Variants in MTHFD2L observed in about 807,000 individuals in gnomAD.
MTHFD2L encodes the protein bifunctional methylenetetrahydrofolate dehydrogenase/cyclohydrolase 2, mitochondrial.
MTHFD2L carries 29 observed loss-of-function variants against 34.9 expected under a neutral mutation model. That is an observed-to-expected ratio of 0.83 (90% confidence interval 0.62 to 1.13). The LOEUF is 1.13. MTHFD2L is among the 50% of genes most tolerant of loss of function. The pLI is 0.00. For missense variants in MTHFD2L, 481 were observed against 446.5 expected (o/e 1.08, Z -0.70); for synonymous variants, 167 against 155.7 (o/e 1.07, Z -0.54).
At chr4:74,179,787 A>G (rs1176984423) in intron 3 of MTHFD2L, among the ~76,000 whole-genome samples, 1 of 152,146 alleles carries the variant, frequency 6.6e-6, no homozygotes, top group Non-Finnish European at 1.5e-5. Flanking sequence ...ATCAATCTTT[A>G]ACATAGATTA....
chr4:74,205,632 A>G (rs1202461151), intron 5 of MTHFD2L, among the ~76,000 whole-genome samples: 1 of 152,162 alleles, frequency 6.6e-6, no homozygotes, highest in Non-Finnish European at 1.5e-5. Context: ...AGGAATGAGA[A>G]TGTGCTAAAA....
upstream of MTHFD2L, among the ~76,000 whole-genome samples, chr4:74,121,965 C>T (rs1377630126): frequency 2.0e-5 from 3 of 151,974 alleles, no homozygotes; most frequent in Admixed American, 6.6e-5. Flanking sequence ...CTGTTGAAAC[C>T]TTGATCTTGG....
chr4:74,249,853 G>C lies in MTHFD2L; in HGVS notation c.805+24459G>C, dbSNP rs1229080818. Among the ~76,000 whole-genome samples, 48 of 152,182 alleles carry C rather than the reference G, an allele frequency of 3.2e-4. 1 individual carries two copies. Among genetic ancestry groups the C allele is most frequent in the Admixed American group, 3.1e-3 (48 of 15,272 alleles). On this transcript the variant is annotated intron_variant, in intron 6 of 7. Transcript: ENST00000325278. ...TAGAGTTTCTGCTGAGAGATCCACTGTTAGTCTGATGGGCTTCCCTTTGTA... is the reference window on the plus strand; with the variant it reads ...TAGAGTTTCTGCTGAGAGATCCACTCTTAGTCTGATGGGCTTCCCTTTGTA...
At chr4:74,226,602 C>G (rs996191979) in intron 6 of MTHFD2L, among the ~76,000 whole-genome samples, 1 of 152,074 alleles carries the variant, frequency 6.6e-6, no homozygotes, top group Non-Finnish European at 1.5e-5. Flanking sequence ...ATGGATAATT[C>G]ACTTACAGAT....
intron 6 of MTHFD2L, among the ~76,000 whole-genome samples, chr4:74,272,119 C>T (rs1040525900): frequency 2.0e-5 from 3 of 152,070 alleles, no homozygotes; most frequent in South Asian, 4.2e-4. Context: ...ACGTCGCTAT[C>T]GAAACTAGCT....
chr4:74,240,144 G>A (rs908966468), intron 6 of MTHFD2L, among the ~76,000 whole-genome samples: 3 of 152,158 alleles, frequency 2.0e-5, no homozygotes, highest in African/African-American at 4.8e-5. Context: ...ATTTTATGAC[G>A]TTATAGTGGA....
chr4:74,123,083 C>A (rs930554684), upstream of MTHFD2L, among the ~76,000 whole-genome samples: 59 of 152,084 alleles, frequency 3.9e-4, no homozygotes, highest in African/African-American at 1.4e-3. Context: ...TATATTAAAT[C>A]AGGTTAAATT....
In MTHFD2L at chr4:74,186,632, A is replaced by G. The variant is rs566988175; in HGVS notation, c.451+11229A>G. ...GGCATAAATTTGACAAAAGATGGGG[A>G]AAACCTATATATATTAAAAACTACA... On this transcript the variant is annotated intron_variant, in intron 3 of 7. Transcript: ENST00000325278. Among the ~76,000 whole-genome samples, 144 of 152,122 alleles carry G rather than the reference A, an allele frequency of 9.5e-4. 1 individual carries two copies. Among genetic ancestry groups the G allele is most frequent in the South Asian group, 2.3e-3 (11 of 4,826 alleles).
At chr4:74,124,271 A>G (rs1318387051), upstream of MTHFD2L, among the ~76,000 whole-genome samples, 4 of 151,682 alleles carry the variant, frequency 2.6e-5, no homozygotes, top group Admixed American at 6.6e-5. Flanking sequence ...ATCAGCATTA[A>G]AAGTTTTTTT....
chr4:74,156,926 C>T (rs546041060), upstream of MTHFD2L: 1 of 151,868 alleles, frequency 6.6e-6, no homozygotes, highest in East Asian at 1.9e-4. Context: ...TGTTGAGTTT[C>T]AAGAGTTCTT....
At chr4:74,239,393 C>T (rs1158573375) in intron 6 of MTHFD2L, among the ~76,000 whole-genome samples, 1 of 151,378 alleles carries the variant, frequency 6.6e-6, no homozygotes, top group Admixed American at 6.6e-5. Context: ...ATATAAATGA[C>T]AAGTTAATGG....
chr4:74,159,607 A>C (rs1724965498), intron 1 of MTHFD2L, among the ~76,000 whole-genome samples: 1 of 152,220 alleles, frequency 6.6e-6, no homozygotes, highest in Non-Finnish European at 1.5e-5. Flanking sequence ...ATTGAATGGA[A>C]GTCATTACAA....
At chr4:74,250,124 C>T (rs1029524039) in intron 6 of MTHFD2L, among the ~76,000 whole-genome samples, 7 of 152,254 alleles carry the variant, frequency 4.6e-5, no homozygotes, top group Non-Finnish European at 7.4e-5. Context: ...ACCAATCAGA[C>T]GCAGATTTGG....
At position 74,149,677 on chromosome 4, in the gene MTHFD2L, A is replaced by G. The variant is rs754647007; in HGVS notation, c.-296-10378A>G. ...AATTTGGGATATGAAAGAAGCACCT[A>G]GATTTATTCATTGATATCAGAAAGG... On this transcript the variant is annotated intron_variant, in intron 1 of 7. Coordinates refer to the MTHFD2L transcript ENST00000433372. Among the ~76,000 whole-genome samples, 3 of 152,240 alleles carry G rather than the reference A, an allele frequency of 2.0e-5. No individual in the cohort carries two copies. The South Asian group carries it at 6.2e-4, about 31-fold the overall frequency.
chr4:74,267,727 T>A, intron 6 of MTHFD2L: 6 of 985,338 alleles, frequency 6.1e-6, no homozygotes, highest in Non-Finnish European at 7.2e-6. Context: ...CCTCAGAGAA[T>A]AAGGTTTGAT....
intron 1 of MTHFD2L, among the ~76,000 whole-genome samples, chr4:74,127,496 C>A (rs1213635319): frequency 2.0e-5 from 3 of 152,112 alleles, no homozygotes; most frequent in Non-Finnish European, 2.9e-5. Flanking sequence ...TGAGAATAGG[C>A]CATATTTGTC....
intron 3 of MTHFD2L, among the ~76,000 whole-genome samples, chr4:74,187,958 C>T (rs749552191): frequency 1.3e-5 from 2 of 152,062 alleles, no homozygotes; most frequent in African/African-American, 2.4e-5. Flanking sequence ...CTAGAAACAA[C>T]CCAAATGTTC....
At chr4:74,119,938 G>A (rs1459220893), upstream of MTHFD2L, among the ~76,000 whole-genome samples, 8 of 152,056 alleles carry the variant, frequency 5.3e-5, no homozygotes, top group African/African-American at 1.9e-4. Flanking sequence ...TCACTGCATG[G>A]AAACCAAGCA....
chr4:74,279,922 A>G lies in MTHFD2L; in HGVS notation c.806-1503A>G, dbSNP rs181065846. 8.3e-4 allele frequency among the ~76,000 whole-genome samples: 127 copies of G among 152,204 alleles called. 2 individuals carry two copies. In the East Asian group the frequency reaches 0.018, roughly 22 times the overall value. ...TACAGCTATATCTATGTTGACACTGACCATTTGTTTATAGCCTTTAAACTC... is the reference window on the plus strand; with the variant it reads ...TACAGCTATATCTATGTTGACACTGGCCATTTGTTTATAGCCTTTAAACTC... On this transcript the variant is annotated intron_variant, in intron 6 of 7. Coordinates refer to ENST00000325278, the MANE Select transcript of MTHFD2L (RefSeq NM_001144978.3).
Sources: allele counts gnomAD v4.1 joint callset (sites outside exome capture counted in the v4.1 genomes callset), GRCh38; gene constraint gnomAD v4.1.1; transcripts MANE v1.5; gene names NCBI Gene and HGNC (gene_info 2026-07-23, HGNC 2026-07-21).